The following UVRAG variants were observed in gnomAD, a reference collection of about 807,000 sequenced individuals.
UVRAG encodes UV radiation resistance associated.
UVRAG carries 19 observed loss-of-function variants against 78.0 expected under a neutral mutation model. The ratio of observed to expected loss-of-function variants is 0.24; its 90% CI spans 0.17 to 0.36. The LOEUF (loss-of-function observed/expected upper bound fraction) is 0.36, where lower values mean the gene tolerates loss of function less well. UVRAG is among the 10% of genes least tolerant of loss of function. The probability of loss-of-function intolerance (pLI) is 1.00; values close to 1 mark genes in which losing one functional copy is unlikely to be tolerated. For synonymous variants in UVRAG, 323 were observed against 324.6 expected, an observed-to-expected ratio of 1.00 and a Z score of 0.05; for missense variants, 740 against 853.8, an observed-to-expected ratio of 0.87 and a Z score of 1.66.
chr11:75,933,422 G>A (rs529422236), intron 6 of UVRAG, among the ~76,000 whole-genome samples: 2 of 152,134 alleles, frequency 1.3e-5, no homozygotes, highest in African/African-American at 4.8e-5. Context: ...AAATATTGGG[G>A]AACTCTCCAG....
In UVRAG at chr11:75,959,319, C is replaced by A. The variant is rs184815705; in HGVS notation, c.594-2125C>A. Among the ~76,000 whole-genome samples, 58 of 152,316 alleles carry A rather than the reference C, an allele frequency of 3.8e-4. 1 individual carries two copies. The highest frequency in any genetic ancestry group is 1.3e-3 in the African/African-American group (54 of 41,570). On this transcript the variant is annotated intron_variant, in intron 6 of 14. Transcript: ENST00000356136. ...GTTGAAAATCTGTTGTTTAGTATAACCACCTTCATTGATGATCTTAGCTAG... is the reference window on the plus strand; with the variant it reads ...GTTGAAAATCTGTTGTTTAGTATAAACACCTTCATTGATGATCTTAGCTAG...
At chr11:75,854,695 A>G (rs547625866) in intron 2 of UVRAG, among the ~76,000 whole-genome samples, 1 of 152,206 alleles carries the variant, frequency 6.6e-6, no homozygotes, top group East Asian at 1.9e-4. Context: ...GGGATTATAG[A>G]TGTGAGCCAC....
At chr11:75,828,514 T>A (rs1009262776) in intron 1 of UVRAG, among the ~76,000 whole-genome samples, 2 of 150,662 alleles carry the variant, frequency 1.3e-5, no homozygotes, top group African/African-American at 4.9e-5. Context: ...GGAGACAAGG[T>A]TGCCCAGGTT....
chr11:75,821,174 A>G (rs190253274), intron 1 of UVRAG, among the ~76,000 whole-genome samples: 62 of 152,152 alleles, frequency 4.1e-4, no homozygotes, highest in African/African-American at 1.5e-3. Context: ...GGCATTATAC[A>G]GTATTTGTCC....
chr11:75,895,868 G>A (rs923060212), intron 5 of UVRAG, among the ~76,000 whole-genome samples: 1 of 152,094 alleles, frequency 6.6e-6, no homozygotes, highest in Non-Finnish European at 1.5e-5. Context: ...TTGTAAAAGT[G>A]ATTCATGATT....
chr11:75,847,898 G>T (rs1946069054), intron 1 of UVRAG, among the ~76,000 whole-genome samples: 2 of 151,558 alleles, frequency 1.3e-5, no homozygotes, highest in African/African-American at 4.9e-5. Context: ...TTGAACCCGG[G>T]AGGCGGAGAT....
At chr11:75,870,665 A>T (rs1380075) in intron 3 of UVRAG, among the ~76,000 whole-genome samples, 8,173 of 152,250 alleles carry the variant, frequency 0.054, 268 homozygotes, top group African/African-American at 0.094. Context: ...GCTTTAGGAC[A>T]TACATCAGGA....
At chr11:76,077,687 A>G (rs894057984) in intron 13 of UVRAG, among the ~76,000 whole-genome samples, 2 of 152,322 alleles carry the variant, frequency 1.3e-5, no homozygotes, top group East Asian at 1.9e-4. Flanking sequence ...TCTTTTGCTC[A>G]TAGTCACACA....
intron 6 of UVRAG, among the ~76,000 whole-genome samples, chr11:75,956,460 A>G (rs1181647539): frequency 6.8e-6 from 1 of 146,658 alleles, no homozygotes; most frequent in Non-Finnish European, 1.5e-5. Context: ...ATCTCAGCTC[A>G]CTGCAACTTC....
chr11:76,101,657 T>A (rs759427140), intron 13 of UVRAG, among the ~76,000 whole-genome samples: 38 of 152,154 alleles, frequency 2.5e-4, no homozygotes, highest in Non-Finnish European at 4.9e-4. Flanking sequence ...CTTTGCCAGT[T>A]CCTATGTCCA....
intron 2 of UVRAG, among the ~76,000 whole-genome samples, chr11:75,853,929 C>T (rs1294936116): frequency 4.0e-5 from 6 of 151,680 alleles, no homozygotes; most frequent in African/African-American, 1.2e-4. Context: ...CCTGCCACCA[C>T]GTCCAGCTGA....
intron 8 of UVRAG, among the ~76,000 whole-genome samples, chr11:76,001,217 C>T (rs1463598349): frequency 6.6e-6 from 1 of 152,100 alleles, no homozygotes; most frequent in Non-Finnish European, 1.5e-5. Flanking sequence ...TCCACAATTA[C>T]ACAATATATA....
At chr11:76,024,389 C>T (rs1165902759) in intron 12 of UVRAG, among the ~76,000 whole-genome samples, 1 of 151,794 alleles carries the variant, frequency 6.6e-6, no homozygotes, top group Non-Finnish European at 1.5e-5. Context: ...TCCCTTTTTT[C>T]CTTGGCAGCC....
At chr11:75,958,602 T>G (rs916302323) in intron 6 of UVRAG, among the ~76,000 whole-genome samples, 1 of 152,196 alleles carries the variant, frequency 6.6e-6, no homozygotes, top group Non-Finnish European at 1.5e-5. Flanking sequence ...CACTGAAGTC[T>G]CGAACCCCTC....
chr11:76,141,248 A>T lies in UVRAG; in HGVS notation c.1935A>T (p.Ser645=). 6.2e-7 allele frequency: 1 copy of T among 1,614,224 alleles called. No individual in the cohort carries two copies. Among genetic ancestry groups the T allele is most frequent in the South Asian group, 1.1e-5 (1 of 91,086 alleles). ...GGCTGGAAGCCACAGGTTTCGCCTC[A>T]GGTGATCAGCTAGAAGCATTTAACT... The part of the protein sequence containing the change: ...IIGLEATGFA[S]GDQLEAFNCI... The change falls in exon 15 of 15, where the codon TCA becomes TCT. Residue 645 remains serine, a synonymous_variant. Transcript: ENST00000356136.
In UVRAG at chr11:76,084,876, A is replaced by G. The variant is rs189018972; in HGVS notation, c.1305+19088A>G. On this transcript the variant is annotated intron_variant, in intron 13 of 14. Transcript: ENST00000356136. ...CAGGAGTTGGAGACCAGCCTGGCCA[A>G]TGTGAAACCCCATTTCTACTAAAAA... is the stretch of plus-strand genomic sequence containing the variant. Among the ~76,000 whole-genome samples the G allele has an allele frequency of 1.9e-3, 285 of 151,994 alleles. 2 individuals are homozygous for G. The highest frequency in any genetic ancestry group is 6.3e-3 in the South Asian group (30 of 4,800).
intron 14 of UVRAG, chr11:76,137,094 G>A (rs1202193450): frequency 9.5e-6 from 2 of 211,178 alleles, no homozygotes; most frequent in African/African-American, 4.6e-5. Context: ...TAAAACTAAT[G>A]TTACCAAACT....
intron 13 of UVRAG, among the ~76,000 whole-genome samples, chr11:76,092,088 T>G (rs1484021469): frequency 2.0e-5 from 3 of 151,678 alleles, no homozygotes; most frequent in African/African-American, 7.3e-5. Context: ...TGCTGTGGTG[T>G]TTGGTTTTTT....
intron 2 of UVRAG, among the ~76,000 whole-genome samples, chr11:75,856,573 T>G (rs956636264): frequency 6.6e-6 from 1 of 152,096 alleles, no homozygotes; most frequent in Non-Finnish European, 1.5e-5. Context: ...GCCTCCCGAG[T>G]AGCTGGGACT....
Sources: allele counts gnomAD v4.1 joint callset (sites outside exome capture counted in the v4.1 genomes callset), GRCh38; gene constraint gnomAD v4.1.1; transcripts MANE v1.5; gene names NCBI Gene and HGNC (gene_info 2026-07-23, HGNC 2026-07-21).